The following IRF6 variants were observed in gnomAD, a reference collection of about 807,000 sequenced individuals.
IRF6 encodes the protein interferon regulatory factor 6.
Under a neutral mutation model 51.4 loss-of-function variants are expected in IRF6, and 6 were observed. The observed-to-expected ratio is 0.12, with a 90% CI of 0.06 to 0.23. The LOEUF is 0.23. Among genes scored for constraint, IRF6 ranks in the 10% least tolerant of loss-of-function variants. The pLI, the probability that IRF6 is intolerant of heterozygous loss-of-function variation, is 1.00. For synonymous variants in IRF6, 178 were observed against 215.7 expected, an observed-to-expected ratio of 0.83 and a Z score of 1.53; for missense variants, 348 against 585.2, an observed-to-expected ratio of 0.59 and a Z score of 4.18.
intron 1 of IRF6, among the ~76,000 whole-genome samples, chr1:209,802,520 T>C (rs747821008): frequency 2.6e-5 from 4 of 152,224 alleles, no homozygotes; most frequent in Non-Finnish European, 4.4e-5. Flanking sequence ...TGTTTTTACT[T>C]AAGATGAGAA....
At chr1:209,804,948 C>T (rs921139733) in intron 1 of IRF6, among the ~76,000 whole-genome samples, 3 of 152,196 alleles carry the variant, frequency 2.0e-5, no homozygotes, top group African/African-American at 4.8e-5. Context: ...GTCTAAGTTC[C>T]GTTCCTCAGG....
In IRF6 at chr1:209,786,139, C is replaced by A; in HGVS notation, c.*2281G>T. ...CCAAAGGAGATAGCAGACTGAGGCC[C>A]TAAAAAAAGAAAGGAAATCTAAATC... is the stretch of plus-strand genomic sequence containing the variant. On this transcript the variant is annotated 3_prime_UTR_variant, in exon 9 of 9. Coordinates refer to ENST00000367021, the MANE Select transcript of IRF6 (RefSeq NM_006147.4). The A allele has an allele frequency of 6.6e-6, 1 of 152,004 alleles. No individual in the cohort carries two copies. Among genetic ancestry groups the A allele is most frequent in the Non-Finnish European group, 1.5e-5 (1 of 68,004 alleles). 9.4% of individuals were successfully genotyped at this position (152,004 alleles called of 1,614,324 possible). A position where few individuals can be genotyped will look rare whatever the true frequency, so the allele number is the denominator to read the frequency against.
chr1:209,804,304 T>G (rs1040864801), intron 1 of IRF6, among the ~76,000 whole-genome samples: 10 of 152,278 alleles, frequency 6.6e-5, no homozygotes, highest in African/African-American at 2.4e-4. Context: ...CTGAGGTGCT[T>G]TATTTCCTAA....
At position 209,796,166 on chromosome 1, in the gene IRF6, A is replaced by G. The variant is rs1432945259; in HGVS notation, c.379+182T>C. Among the ~76,000 whole-genome samples, 2 of 152,220 alleles carry G rather than the reference A, an allele frequency of 1.3e-5. No homozygotes were observed. Among genetic ancestry groups the G allele is most frequent in the Non-Finnish European group, 2.9e-5 (2 of 68,040 alleles). On this transcript the variant is annotated intron_variant, in intron 4 of 8. Coordinates refer to ENST00000367021, the MANE Select transcript of IRF6 (RefSeq NM_006147.4). This position sits in a 1 kb window ranked among gnomAD's most constrained non-coding sequence, Gnocchi z 4.5. ...AACCAGGTTAAAAAACATTCCCCTA[A>G]GTAAGCAAGATTTTGCTGAGTCTGC...
At chr1:209,803,395 C>T (rs1391698298) in intron 1 of IRF6, among the ~76,000 whole-genome samples, 1 of 152,118 alleles carries the variant, frequency 6.6e-6, no homozygotes, top group African/African-American at 2.4e-5. Context: ...GAAGAAAAGT[C>T]CAAAAGGACT....
At chr1:209,793,359 T>G (rs969056536) in intron 5 of IRF6, among the ~76,000 whole-genome samples, 4 of 152,184 alleles carry the variant, frequency 2.6e-5, no homozygotes, top group Non-Finnish European at 5.9e-5. Flanking sequence ...CAAAAAAGGA[T>G]TAAAGGCAGC....
chr1:209,804,867 C>A (rs952957384), intron 1 of IRF6, among the ~76,000 whole-genome samples: 7 of 152,196 alleles, frequency 4.6e-5, no homozygotes, highest in African/African-American at 4.8e-5. Flanking sequence ...TTAAAACACA[C>A]GCCATTTCTC....
intron 2 of IRF6, 65 bp from the exon 3 acceptor site, chr1:209,801,481 C>G (rs2077941918): frequency 7.6e-7 from 1 of 1,310,230 alleles, no homozygotes; most frequent in Non-Finnish European, 1.0e-6. Flanking sequence ...GGAACCCTTC[C>G]CAGCCACCTT....
intron 1 of IRF6, among the ~76,000 whole-genome samples, chr1:209,804,997 C>T (rs2077965164): frequency 6.6e-6 from 1 of 152,154 alleles, no homozygotes; most frequent in Non-Finnish European, 1.5e-5. Context: ...AACTGCAGGC[C>T]TCTAGTCAAA....
At chr1:209,799,238 T>C (rs1434371228) in intron 3 of IRF6, among the ~76,000 whole-genome samples, 6 of 152,096 alleles carry the variant, frequency 3.9e-5, no homozygotes, top group Non-Finnish European at 8.8e-5. Flanking sequence ...GGTAGTAGAA[T>C]TTGAGGCCAG....
At chr1:209,800,660 G>A (rs2077935127) in intron 3 of IRF6, among the ~76,000 whole-genome samples, 1 of 152,186 alleles carries the variant, frequency 6.6e-6, no homozygotes, top group Admixed American at 6.5e-5. Flanking sequence ...GTGGGAGGTT[G>A]AGGCGGGAGG....
chr1:209,793,661 G>A (rs576234159), intron 5 of IRF6, among the ~76,000 whole-genome samples: 4 of 152,182 alleles, frequency 2.6e-5, no homozygotes, highest in East Asian at 3.9e-4. Context: ...AGATTATTTC[G>A]TCACCTAGTT....
intron 7 of IRF6, 49 bp from the exon 8 acceptor site, chr1:209,789,834 C>T (rs774368861): frequency 2.5e-6 from 3 of 1,216,944 alleles, no homozygotes; most frequent in East Asian, 4.6e-5. Context: ...ATTCCACATC[C>T]ACTCAACAAA....
At chr1:209,795,626 T>C (rs2077896471) in intron 4 of IRF6, among the ~76,000 whole-genome samples, 1 of 152,204 alleles carries the variant, frequency 6.6e-6, no homozygotes, top group African/African-American at 2.4e-5. Context: ...GGAGCACATA[T>C]CTAAATTATC....
chr1:209,792,572 C>G (rs1002717979), intron 5 of IRF6, 145 bp from the exon 6 acceptor site: 2 of 774,114 alleles, frequency 2.6e-6, no homozygotes, highest in African/African-American at 3.5e-5. Flanking sequence ...CAGTGATTCC[C>G]ATAACTAACG....
At chr1:209,803,789 C>A (rs1158495365) in intron 1 of IRF6, among the ~76,000 whole-genome samples, 1 of 152,192 alleles carries the variant, frequency 6.6e-6, no homozygotes, top group Non-Finnish European at 1.5e-5. Context: ...CAACCACAGG[C>A]TGCAATATTA....
chr1:209,793,576 CTTTTA>C (rs57629098), intron 5 of IRF6, among the ~76,000 whole-genome samples: 25,774 of 151,976 alleles, frequency 0.17, 2,344 homozygotes, highest in African/African-American at 0.22. Flanking sequence ...TTTGTGTTTA[CTTTTA>C]TTTTAGTTTC....
At chr1:209,805,546 GC>G (rs2077968932) in intron 1 of IRF6, among the ~76,000 whole-genome samples, 1 of 152,192 alleles carries the variant, frequency 6.6e-6, no homozygotes, top group Non-Finnish European at 1.5e-5. Flanking sequence ...TTCCCAAAAC[GC>G]CCACTAGGAT....
At position 209,802,005 on chromosome 1, in the gene IRF6, GAA is replaced by G. The variant is rs2077946972; in HGVS notation, c.-39_-38del. Reference sequence around the variant, plus strand: ...GCAGGCAGTGTGTCCACAGGGATCTGAAGAGTCGGCTTGTCTTTCCCTTGACC... The same window carrying G: ...GCAGGCAGTGTGTCCACAGGGATCTGGAGTCGGCTTGTCTTTCCCTTGACC... On this transcript the variant is annotated 5_prime_UTR_variant, in exon 2 of 9. Coordinates refer to ENST00000367021, the MANE Select transcript of IRF6 (RefSeq NM_006147.4). 6.6e-6 allele frequency: 1 copy of G among 152,256 alleles called. No individual in the cohort carries two copies. The allele number at this position is 152,256 out of a possible 1,614,324, so 9.4% of individuals were successfully genotyped here.
Sources: allele counts gnomAD v4.1 joint callset (sites outside exome capture counted in the v4.1 genomes callset), GRCh38; gene constraint gnomAD v4.1.1; non-coding constraint Gnocchi (gnomAD v3.1); transcripts MANE v1.5; gene names NCBI Gene and HGNC (gene_info 2026-07-23, HGNC 2026-07-21).